Variants in RTF2 observed in about 807,000 individuals in gnomAD.
RTF2 encodes the protein UPF0549 protein C20orf43.
RTF2 carries 18 observed loss-of-function variants against 38.0 expected under a neutral mutation model. That is an observed-to-expected ratio of 0.47 (90% CI 0.33 to 0.70). The LOEUF is 0.70. Ranked by LOEUF, RTF2 falls within the 30% of genes least tolerant of loss-of-function variation. The probability of loss-of-function intolerance (pLI) is 0.02; values close to 1 mark genes in which losing one functional copy is unlikely to be tolerated. For missense variants in RTF2, 311 were observed against 379.6 expected (o/e 0.82, Z 1.50); for synonymous variants, 126 against 137.1 (o/e 0.92, Z 0.57).
chr20:56,498,405 A>G (rs187566476), intron 5 of RTF2, among the ~76,000 whole-genome samples: 101 of 152,298 alleles, frequency 6.6e-4, no homozygotes, highest in Non-Finnish European at 5.0e-4. Context: ...CTGTATCTCT[A>G]TAAAAAACTT....
rs977991437 is a variant in RTF2 at position 56,468,645 on chromosome 20, C to A, written c.-53C>A. ...AGTGGCTGCGGATTTCGCCGGAAAT[C>A]CCGGAAGTGACAGCTTTGGGGGTTT... is the stretch of plus-strand genomic sequence containing the variant. On this transcript the variant is annotated 5_prime_UTR_variant, in exon 1 of 9. Coordinates refer to ENST00000357348, the MANE Select transcript of RTF2 (RefSeq NM_016407.5). 9 of 1,507,902 alleles carry A rather than the reference C, an allele frequency of 6.0e-6. No homozygotes were observed. In the East Asian group the frequency reaches 1.5e-4, roughly 25 times the overall value. The allele number at this position is 1,507,902 out of a possible 1,614,324, so 93.4% of individuals were successfully genotyped here.
At chr20:56,490,330 A>C (rs1197939681) in intron 5 of RTF2, among the ~76,000 whole-genome samples, 2 of 152,208 alleles carry the variant, frequency 1.3e-5, no homozygotes, top group African/African-American at 4.8e-5. Flanking sequence ...CTTCAGTTTC[A>C]TATGATGCTG....
chr20:56,484,685 G>A (rs1982696169), intron 5 of RTF2, among the ~76,000 whole-genome samples: 1 of 152,196 alleles, frequency 6.6e-6, no homozygotes, highest in African/African-American at 2.4e-5. Flanking sequence ...AGCACGTAGC[G>A]TGCCCTCAGT....
chr20:56,469,804 C>T (rs756777621), intron 1 of RTF2, among the ~76,000 whole-genome samples: 16 of 152,172 alleles, frequency 1.1e-4, no homozygotes, highest in Non-Finnish European at 1.9e-4. Context: ...CTCTCCACCT[C>T]TTTCATACTG....
chr20:56,491,676 C>A (rs373308765), intron 5 of RTF2: 1 of 1,552,268 alleles, frequency 6.4e-7, no homozygotes, highest in East Asian at 2.4e-5. Flanking sequence ...CAGGTAACCA[C>A]AAGCGGGTCT....
intron 4 of RTF2, among the ~76,000 whole-genome samples, chr20:56,482,867 T>C (rs917702134): frequency 1.3e-5 from 2 of 152,130 alleles, no homozygotes; most frequent in Non-Finnish European, 2.9e-5. Context: ...TGTTTAATGC[T>C]CCCTCCCCCA....
Position 56,468,659 on chromosome 20 carries a change from C to CT in RTF2, c.-36dup, listed in dbSNP as rs1568688591. On this transcript the variant is annotated 5_prime_UTR_variant, in exon 1 of 9. Coordinates refer to ENST00000357348, the MANE Select transcript of RTF2 (RefSeq NM_016407.5). ...TCGCCGGAAATCCCGGAAGTGACAG[C>CT]TTTGGGGGTTTGCTGCTGGCTCTGA... is the stretch of plus-strand genomic sequence containing the variant. The CT allele has an allele frequency of 6.5e-7, 1 of 1,542,862 alleles. No homozygotes were observed.
chr20:56,488,653 G>T (rs1286107108), intron 5 of RTF2, among the ~76,000 whole-genome samples: 1 of 152,224 alleles, frequency 6.6e-6, no homozygotes, highest in African/African-American at 2.4e-5. Context: ...TTAGGTTTCT[G>T]CCATCTTTAT....
In RTF2 at chr20:56,518,202, C is replaced by T; in HGVS notation, c.858C>T (p.Ser286=). The T allele has an allele frequency of 6.2e-7, 1 of 1,614,206 alleles. No individual in the cohort carries two copies. The highest frequency in any genetic ancestry group is 1.1e-5 in the South Asian group (1 of 91,078). The part of the protein sequence containing the change: ...EAYKSLFTTH[S]SAKRSKEESA... ...ACAAGTCCCTCTTTACCACTCACAG[C>T]TCCGCCAAGCGCTCCAAGGAGGAGT... The change falls in exon 9 of 9, where the codon AGC becomes AGT. Residue 286 remains serine (S), a synonymous_variant. Transcript: ENST00000357348.
chr20:56,490,980 T>C (rs1225912066), intron 5 of RTF2, among the ~76,000 whole-genome samples: 4 of 152,198 alleles, frequency 2.6e-5, no homozygotes, highest in Admixed American at 2.6e-4. Flanking sequence ...TCACAGAAGG[T>C]GCTAGGAGAC....
rs200348126 is a variant in RTF2 at position 56,517,007 on chromosome 20, A to C, written c.646+18A>C. The C allele has an allele frequency of 6.2e-7, 1 of 1,612,780 alleles. No individual in the cohort carries two copies. The highest frequency in any genetic ancestry group is 8.5e-7 in the Non-Finnish European group (1 of 1,178,788). On this transcript the variant is annotated intron_variant, in intron 7 of 8. Coordinates refer to ENST00000357348, the MANE Select transcript of RTF2 (RefSeq NM_016407.5). ...CAGTGAAGGTAAGATCCTTCAAGAG[A>C]TCCTTATTTTAGCAAAATGCGACTC...
chr20:56,509,431 G>A (rs1180885385), intron 5 of RTF2, among the ~76,000 whole-genome samples: 7 of 151,982 alleles, frequency 4.6e-5, no homozygotes, highest in Non-Finnish European at 1.0e-4. Context: ...GGCCAACATG[G>A]TTGAAATGCC....
Position 56,497,592 on chromosome 20 carries a change from G to T in RTF2, c.477+13403G>T, listed in dbSNP as rs1356893378. The T allele has an allele frequency of 2.6e-5, 35 of 1,327,498 alleles. 1 individual carries two copies. Among genetic ancestry groups the T allele is most frequent in the Non-Finnish European group, 3.5e-5 (35 of 1,008,386 alleles). The allele number at this position is 1,327,498 out of a possible 1,614,324, so 82.2% of individuals were successfully genotyped here. On this transcript the variant is annotated intron_variant, in intron 5 of 8. Transcript: ENST00000357348. ...CCTCACGACAAGTCCAGACTTTGTG[G>T]CTCGAAGCTGGCTCATATCTTGAGC...
At chr20:56,517,325 G>T in intron 8 of RTF2, 124 bp downstream of exon 8, 1 of 726,820 alleles carries the variant, frequency 1.4e-6, no homozygotes. Context: ...TGTCTCTAGA[G>T]AGTGCACTGA....
In RTF2 at chr20:56,490,567, C is replaced by T. The variant is rs548134641; in HGVS notation, c.477+6378C>T. Among the ~76,000 whole-genome samples, 250 of 152,364 alleles carry T rather than the reference C, an allele frequency of 1.6e-3. 1 individual carries two copies. Among genetic ancestry groups the T allele is most frequent in the African/African-American group, 5.6e-3 (231 of 41,592 alleles). On this transcript the variant is annotated intron_variant, in intron 5 of 8. Transcript: ENST00000357348. ...CGGTGGCTCACGCCTGTGATCCCAGCACTTTGGGAGGCCAAGGCAGGCGGA... is the reference window on the plus strand; with the variant it reads ...CGGTGGCTCACGCCTGTGATCCCAGTACTTTGGGAGGCCAAGGCAGGCGGA...
intron 2 of RTF2, among the ~76,000 whole-genome samples, chr20:56,474,374 G>A (rs1055491933): frequency 1.3e-5 from 2 of 152,040 alleles, no homozygotes; most frequent in Non-Finnish European, 2.9e-5. Context: ...CCAGCTGCTC[G>A]GGAGGCTGAG....
chr20:56,499,317 C>T (rs1480791016), intron 5 of RTF2, among the ~76,000 whole-genome samples: 1 of 151,692 alleles, frequency 6.6e-6, no homozygotes, highest in African/African-American at 2.4e-5. Context: ...CTGCCTCAGC[C>T]TCCCAGGTGC....
At chr20:56,513,709 C>A in intron 6 of RTF2, 1 of 331,620 alleles carries the variant, frequency 3.0e-6, no homozygotes, top group South Asian at 3.5e-5. Context: ...GCTCCAGAGA[C>A]CATGGCCATA....
intron 4 of RTF2, among the ~76,000 whole-genome samples, chr20:56,481,523 G>T (rs1446961696): frequency 6.6e-6 from 1 of 152,144 alleles, no homozygotes; most frequent in Non-Finnish European, 1.5e-5. Flanking sequence ...CACCATTGGG[G>T]TCAAGTAAGA....
Sources: gnomAD v4.1 joint callset for allele counts (sites outside exome capture counted in the v4.1 genomes callset) on GRCh38, gnomAD v4.1.1 for gene constraint, MANE v1.5 for transcripts, NCBI Gene and HGNC (gene_info 2026-07-23, HGNC 2026-07-21) for gene names.